PCDHA8: variants seen among roughly 807,000 people sequenced by gnomAD.
PCDHA8 encodes protocadherin alpha-8.
In PCDHA8, 53 loss-of-function variants were observed where a neutral mutation model predicts 61.8. The ratio of observed to expected loss-of-function variants is 0.86; its 90% CI spans 0.69 to 1.08. PCDHA8 has a LOEUF of 1.08. Among genes scored for constraint, PCDHA8 ranks in the 50% least tolerant of loss-of-function variants. PCDHA8 has a pLI of 0.00. For synonymous variants in PCDHA8, 618 were observed against 556.6 expected (o/e 1.11, Z -1.55); for missense variants, 1,293 against 1,245.0 (o/e 1.04, Z -0.58).
rs781922775 is a variant in PCDHA8 at position 140,856,490 on chromosome 5, G to C, written c.2394+12775G>C. On this transcript the variant is annotated intron_variant, in intron 1 of 3. Coordinates refer to ENST00000531613, the MANE Select transcript of PCDHA8 (RefSeq NM_018911.3). Reference sequence around the variant, plus strand: ...CTCAATACCTGAATCCAGACTGCTTGACTCTCGATTTCCACTAGAAGGCGC... The same window carrying C: ...CTCAATACCTGAATCCAGACTGCTTCACTCTCGATTTCCACTAGAAGGCGC... 1.9e-6 allele frequency: 3 copies of C among 1,598,350 alleles called. 1 individual carries two copies. The highest frequency in any genetic ancestry group is 2.6e-6 in the Non-Finnish European group (3 of 1,167,864).
chr5:140,870,654 C>T lies in PCDHA8; in HGVS notation c.2394+26939C>T, dbSNP rs781878209. 10 of 1,612,444 alleles carry T rather than the reference C, an allele frequency of 6.2e-6. No homozygotes were observed. The African/African-American group carries it at 8.0e-5, about 13-fold the overall frequency. ...TGCACGCGGAGAGCGGCAAGGTGTACGCGCTGCAGCCGTTGGACCACGAGG... is the reference window on the plus strand; with the variant it reads ...TGCACGCGGAGAGCGGCAAGGTGTATGCGCTGCAGCCGTTGGACCACGAGG... On this transcript the variant is annotated intron_variant, in intron 1 of 3. Transcript: ENST00000531613.
chr5:140,870,096 T>C, intron 1 of PCDHA8: 1 of 1,613,854 alleles, frequency 6.2e-7, no homozygotes, highest in Non-Finnish European at 8.5e-7. Context: ...CAATGGCAGG[T>C]CACTGTACAG....
At chr5:140,861,541 A>C (rs2046969106) in intron 1 of PCDHA8, 1 of 426,724 alleles carries the variant, frequency 2.3e-6, no homozygotes, top group Admixed American at 2.3e-5. Context: ...TGCAGCATCC[A>C]CCTGGAAGTG....
rs1385576183 is a variant in PCDHA8 at position 140,841,711 on chromosome 5, G to A, written c.390G>A (p.Pro130=). ...DVEVKDVNDN[P]PVFRVKDQKL... is the part of the protein sequence containing the mutation. Reference sequence around the variant, plus strand: ...AGGTGAAGGATGTTAATGACAACCCGCCAGTGTTCCGGGTAAAAGACCAAA... The same window carrying A: ...AGGTGAAGGATGTTAATGACAACCCACCAGTGTTCCGGGTAAAAGACCAAA... The change falls in exon 1 of 4, where the codon CCG becomes CCA. Residue 130 remains proline, a synonymous_variant. Coordinates refer to ENST00000531613, the MANE Select transcript of PCDHA8 (RefSeq NM_018911.3). 3 of 1,613,772 alleles carry A rather than the reference G, an allele frequency of 1.9e-6. No individual in the cohort carries two copies. Among genetic ancestry groups the A allele is most frequent in the Admixed American group, 1.7e-5 (1 of 59,980 alleles).
At chr5:140,941,042 T>C (rs532611705) in intron 1 of PCDHA8, among the ~76,000 whole-genome samples, 11 of 152,310 alleles carry the variant, frequency 7.2e-5, no homozygotes, top group African/African-American at 2.2e-4. Context: ...TGGTGCCAAG[T>C]CAAATTCCCC....
rs782520846 is a variant in PCDHA8, at chr5:140,842,848, G to T, written c.1527G>T (p.Ser509=). Residue 509 remains serine (S), a synonymous_variant, in exon 1 of 4, where the codon TCG becomes TCT. Coordinates refer to ENST00000531613, the MANE Select transcript of PCDHA8 (RefSeq NM_018911.3). ...VGERSLSSYI[S]VHTESGKVYA... ...AGCGCTCGCTGTCGAGCTACATTTC[G>T]GTGCACACGGAGAGCGGCAAGGTGT... The T allele has an allele frequency of 1.9e-6, 3 of 1,593,918 alleles. 1 individual carries two copies. Among genetic ancestry groups the T allele is most frequent in the Non-Finnish European group, 2.6e-6 (3 of 1,165,378 alleles).
At chr5:140,979,063 A>G (rs1245308340) in intron 2 of PCDHA8, 56 bp downstream of exon 2, 3 of 1,604,438 alleles carry the variant, frequency 1.9e-6, no homozygotes, top group East Asian at 4.5e-5. Context: ...TATGGCTCAG[A>G]TAAACTGCAT....
chr5:140,850,503 G>C (rs2041643123), intron 1 of PCDHA8: 1 of 1,598,290 alleles, frequency 6.3e-7, no homozygotes, highest in Non-Finnish European at 8.6e-7. Flanking sequence ...GGTGTCGCTG[G>C]TGGAGAGCGG....
In PCDHA8 at chr5:140,843,148, T is replaced by G. The variant is rs2150353872; in HGVS notation, c.1827T>G (p.Tyr609Ter). The change falls in exon 1 of 4, where the codon TAT becomes TAG. Residue 609 changes from tyrosine (Y) to a stop codon, truncating the protein, a stop_gained. Transcript: ENST00000531613. LOFTEE classifies it high-confidence loss of function. ...CGGGCTACAACGCGTGGCTTTCGTA[T>G]GAGCTGCAGCCAGCTGCAAGCAGCC... is the stretch of plus-strand genomic sequence containing the variant. ...ADSGYNAWLS[Y>*]ELQPAASSPR... The G allele has an allele frequency of 1.9e-5, 30 of 1,595,940 alleles. 4 individuals are homozygous for G. The highest frequency in any genetic ancestry group is 2.5e-5 in the Non-Finnish European group (29 of 1,165,574).
chr5:140,904,738 A>T (rs1373664313), intron 1 of PCDHA8, among the ~76,000 whole-genome samples: 1 of 152,012 alleles, frequency 6.6e-6, no homozygotes, highest in African/African-American at 2.4e-5. Context: ...TTATTTTTTT[A>T]TTATGACCAT....
At chr5:140,910,525 C>T (rs531874263) in intron 1 of PCDHA8, among the ~76,000 whole-genome samples, 2 of 152,258 alleles carry the variant, frequency 1.3e-5, no homozygotes, top group African/African-American at 4.8e-5. Context: ...GCAGGTACTC[C>T]CCTCACAAAT....
At chr5:140,859,049 C>A (rs1416112480) in intron 1 of PCDHA8, 2 of 150,472 alleles carry the variant, frequency 1.3e-5, no homozygotes, top group African/African-American at 4.9e-5. Flanking sequence ...AAAACGTTTT[C>A]CATTTTTATT....
intron 3 of PCDHA8, among the ~76,000 whole-genome samples, chr5:140,986,867 C>A (rs1238623584): frequency 6.6e-6 from 1 of 152,140 alleles, no homozygotes; most frequent in Non-Finnish European, 1.5e-5. Flanking sequence ...TACCCGGAAA[C>A]TTGTTAGAAA....
Position 140,842,333 on chromosome 5 carries a change from G to A in PCDHA8, c.1012G>A (p.Val338Met). The change falls in exon 1 of 4, where the codon GTG (valine) becomes ATG (methionine). Residue 338 changes from valine to methionine, a missense_variant. Coordinates refer to ENST00000531613, the MANE Select transcript of PCDHA8 (RefSeq NM_018911.3). ...PPMAGHCTVL[V>M]RILDKNDNVP... ...CATGGCGGGTCATTGCACCGTTTTA[G>A]TGAGAATTTTGGATAAAAATGATAA... The A allele has an allele frequency of 1.2e-6, 2 of 1,608,106 alleles. No homozygotes were observed. The highest frequency in any genetic ancestry group is 2.2e-5 in the South Asian group (2 of 90,972).
chr5:140,996,175 C>T (rs1296990069), intron 3 of PCDHA8, among the ~76,000 whole-genome samples: 2 of 152,336 alleles, frequency 1.3e-5, no homozygotes, highest in Middle Eastern at 3.4e-3. Flanking sequence ...GTGCTGACAG[C>T]ACCTCCATTT....
chr5:140,924,178 A>C (rs2081709408), intron 1 of PCDHA8, among the ~76,000 whole-genome samples: 3 of 152,260 alleles, frequency 2.0e-5, no homozygotes. Context: ...GCACTGAAGC[A>C]GAAAATTAGT....
intron 1 of PCDHA8, chr5:140,884,452 C>G (rs1203873823): frequency 6.2e-7 from 1 of 1,613,664 alleles, no homozygotes; most frequent in African/African-American, 1.3e-5. Context: ...CACCGCCCAC[C>G]GAGGGCGCGT....
intron 1 of PCDHA8, among the ~76,000 whole-genome samples, chr5:140,950,402 G>A (rs1459486068): frequency 6.6e-6 from 1 of 151,846 alleles, no homozygotes; most frequent in African/African-American, 2.4e-5. Context: ...AATTCTGGGG[G>A]ATTGACAGAT....
At position 140,969,365 on chromosome 5, in the gene PCDHA8, C is replaced by T. The variant is rs190730712; in HGVS notation, c.2395-9584C>T. The T allele has an allele frequency of 5.3e-5, 86 of 1,610,040 alleles. No homozygotes were observed. The African/African-American group carries it at 9.2e-4, about 17-fold the overall frequency. On this transcript the variant is annotated intron_variant, in intron 1 of 3. Transcript: ENST00000531613. ...GTGGTCAGGGGGTCTTCTACAAACT[C>T]ATGCATTTGTTACACATCCCCCAAT...
Sources: gnomAD v4.1 joint callset for allele counts (sites outside exome capture counted in the v4.1 genomes callset) on GRCh38, gnomAD v4.1.1 for gene constraint, MANE v1.5 for transcripts, NCBI Gene and HGNC (gene_info 2026-07-23, HGNC 2026-07-21) for gene names.